MTCL2: variants seen among roughly 807,000 people sequenced by gnomAD.
The protein encoded by MTCL2 is microtubule cross-linking factor 2.
the MTCL2 span, among the ~76,000 whole-genome samples, chr20:36,831,007 A>G: frequency 6.6e-6 from 1 of 152,214 alleles, no homozygotes; most frequent in Non-Finnish European, 1.5e-5. Flanking sequence ...GAAAGAAGCT[A>G]GAGGAGCTGC....
chr20:36,839,287 C>T, the MTCL2 span: 57 of 1,611,748 alleles, frequency 3.5e-5, no homozygotes, highest in Admixed American at 2.7e-4. The surrounding 1 kb of genome is among the most constrained non-coding windows in gnomAD (Gnocchi z 5.1). Context: ...ACGGAGACTG[C>T]GGCGCTCGGC....
chr20:36,803,150 C>A, the MTCL2 span: 1 of 1,556,052 alleles, frequency 6.4e-7, no homozygotes, highest in South Asian at 1.2e-5. Flanking sequence ...CAGGAGGCCA[C>A]TCCTCTTGGC....
chr20:36,860,205 T>A, the MTCL2 span, among the ~76,000 whole-genome samples: 1 of 152,118 alleles, frequency 6.6e-6, no homozygotes. Flanking sequence ...GCATTCCAAT[T>A]TCCCTTAGCC....
At chr20:36,850,463 T>A in the MTCL2 span, among the ~76,000 whole-genome samples, 1 of 151,560 alleles carries the variant, frequency 6.6e-6, no homozygotes, top group South Asian at 2.1e-4. Flanking sequence ...GAGGTGGAGG[T>A]TGCAGTGAGC....
chr20:36,848,588 G>A, the MTCL2 span, among the ~76,000 whole-genome samples: 20 of 152,328 alleles, frequency 1.3e-4, no homozygotes, highest in African/African-American at 4.8e-4. Flanking sequence ...CATCATCCAT[G>A]TTCTACAGAT....
At chr20:36,863,328 G>A in the MTCL2 span, 49 of 1,176,674 alleles carry the variant, frequency 4.2e-5, no homozygotes, top group African/African-American at 5.8e-4. The surrounding 1 kb of genome is among the most constrained non-coding windows in gnomAD (Gnocchi z 6.2). Flanking sequence ...CGGGGGCTCG[G>A]CCGCCGGCGC....
chr20:36,797,532 C>T, the MTCL2 span: 52 of 1,556,392 alleles, frequency 3.3e-5, no homozygotes, highest in Non-Finnish European at 4.3e-5. Context: ...GCTTCTCCAG[C>T]TCCGAGTGCT....
At chr20:36,812,887 G>C in the MTCL2 span, 1 of 1,591,142 alleles carries the variant, frequency 6.3e-7, no homozygotes, top group South Asian at 1.1e-5. Context: ...AGATCACCAT[G>C]GGGAGGGGCC....
At chr20:36,842,100 T>C in the MTCL2 span, among the ~76,000 whole-genome samples, 1 of 152,172 alleles carries the variant, frequency 6.6e-6, no homozygotes, top group Non-Finnish European at 1.5e-5. Flanking sequence ...CTGCTACCGC[T>C]GTCATCAGCT....
At chr20:36,805,071 C>A in the MTCL2 span, among the ~76,000 whole-genome samples, 1 of 152,140 alleles carries the variant, frequency 6.6e-6, no homozygotes, top group Non-Finnish European at 1.5e-5. Context: ...ACAGGCCCAG[C>A]CCTGGCTACC....
At chr20:36,793,839 GCA>G in the MTCL2 span, 2 of 1,544,870 alleles carry the variant, frequency 1.3e-6, no homozygotes, top group Non-Finnish European at 1.7e-6. This position sits in a 1 kb window ranked among gnomAD's most constrained non-coding sequence, Gnocchi z 6.8. Context: ...TGCTTGCTGC[GCA>G]CAGACACGAG....
the MTCL2 span, chr20:36,785,373 A>C: frequency 1.8e-5 from 18 of 984,176 alleles, no homozygotes; most frequent in Non-Finnish European, 2.1e-5. Flanking sequence ...AAATTAAATT[A>C]TTAAAATAAA....
the MTCL2 span, among the ~76,000 whole-genome samples, chr20:36,843,161 AG>A: frequency 2.0e-5 from 3 of 152,110 alleles, no homozygotes; most frequent in Non-Finnish European, 4.4e-5. Flanking sequence ...TGCCTGTGAA[AG>A]GAACAAACAT....
chr20:36,860,521 C>A, the MTCL2 span, among the ~76,000 whole-genome samples: 86 of 152,236 alleles, frequency 5.6e-4, no homozygotes, highest in African/African-American at 1.8e-3. Flanking sequence ...GAGAAAGAGC[C>A]CAGCCTGCCT....
At chr20:36,849,784 C>A in the MTCL2 span, among the ~76,000 whole-genome samples, 5 of 152,210 alleles carry the variant, frequency 3.3e-5, no homozygotes, top group Non-Finnish European at 7.3e-5. Context: ...CCCACTGGAA[C>A]CTTTGCACGT....
At chr20:36,785,405 T>C in the MTCL2 span, 13 of 983,898 alleles carry the variant, frequency 1.3e-5, no homozygotes, top group East Asian at 1.5e-3. Context: ...TAAATATTTA[T>C]AGTAGGAAAA....
At chr20:36,821,407 A>T in the MTCL2 span, among the ~76,000 whole-genome samples, 33,074 of 152,008 alleles carry the variant, frequency 0.22, 4,602 homozygotes, top group East Asian at 0.5. Context: ...GCATGCCTGT[A>T]ATCCCAGCTA....
chr20:36,827,098 G>T, the MTCL2 span, among the ~76,000 whole-genome samples: 3 of 151,726 alleles, frequency 2.0e-5, no homozygotes, highest in Non-Finnish European at 4.4e-5. Context: ...AGGCTGGAAT[G>T]AATGCAGTGG....
At chr20:36,803,035 G>A in the MTCL2 span, 9 of 1,604,552 alleles carry the variant, frequency 5.6e-6, no homozygotes, top group African/African-American at 4.0e-5. Flanking sequence ...TGCTCCTCAC[G>A]CTCCCGCTGT....
Sources: gnomAD v4.1 joint callset for allele counts (sites outside exome capture counted in the v4.1 genomes callset) on GRCh38, gnomAD v4.1.1 for gene constraint, Gnocchi (gnomAD v3.1) non-coding constraint, MANE v1.5 for transcripts, NCBI Gene and HGNC (gene_info 2026-07-23, HGNC 2026-07-21) for gene names.